The following LRR1 variants were observed in gnomAD, a reference collection of about 807,000 sequenced individuals.
LRR1 encodes leucine-rich repeat protein 1.
In LRR1, 29 loss-of-function variants were observed where a neutral mutation model predicts 31.6. The ratio of observed to expected loss-of-function variants is 0.92; its 90% CI spans 0.68 to 1.25. LRR1 has a LOEUF of 1.25. Among genes scored for constraint, LRR1 ranks in the 50% most tolerant of loss-of-function variants. The probability of loss-of-function intolerance (pLI) is 0.00; values close to 1 mark genes in which losing one functional copy is unlikely to be tolerated. For missense variants in LRR1, 485 were observed against 487.2 expected (o/e 1.00, Z 0.04); for synonymous variants, 179 against 181.4 (o/e 0.99, Z 0.10).
chr14:49,603,652 A>G (rs1433996819), intron 2 of LRR1: 1 of 979,380 alleles, frequency 1.0e-6, no homozygotes, highest in South Asian at 3.3e-5. Flanking sequence ...ATTTTTGTCT[A>G]CTGTGCCTGG....
intron 2 of LRR1, among the ~76,000 whole-genome samples, chr14:49,606,631 A>T: frequency 7.0e-6 from 1 of 142,588 alleles, no homozygotes; most frequent in Admixed American, 7.2e-5. Flanking sequence ...GAGTCACTAC[A>T]CCTGGCCTTA....
chr14:49,607,142 C>T (rs982645530), intron 2 of LRR1, among the ~76,000 whole-genome samples: 5 of 151,972 alleles, frequency 3.3e-5, no homozygotes, highest in African/African-American at 1.2e-4. Flanking sequence ...ATCCTCCCAC[C>T]TCAGCCTCCC....
intron 1 of LRR1, chr14:49,600,676 G>C: frequency 7.5e-7 from 1 of 1,336,860 alleles, no homozygotes; most frequent in Non-Finnish European, 1.0e-6. Context: ...AAATGCTGCA[G>C]CTATACCCAG....
At chr14:49,605,963 C>T (rs1198268261) in intron 2 of LRR1, among the ~76,000 whole-genome samples, 2 of 152,046 alleles carry the variant, frequency 1.3e-5, no homozygotes, top group Non-Finnish European at 2.9e-5. Flanking sequence ...AATCTGTCCT[C>T]ATACTGTATT....
At position 49,599,086 on chromosome 14, in the gene LRR1, G is replaced by A. The variant is rs766173659; in HGVS notation, c.66G>A (p.Arg22=). ...TGCCCGCCTTGGGGCTTAGGAACCG[G>A]GGCAAGGGCGTCCGAGCCGTGTTGA... is the stretch of plus-strand genomic sequence containing the variant. ...RHLPALGLRN[R]GKGVRAVLSL... Residue 22 remains arginine (R), a synonymous_variant, in exon 1 of 4, where the codon CGG becomes CGA. Transcript: ENST00000298288. 15 of 1,608,574 alleles carry A rather than the reference G, an allele frequency of 9.3e-6. No individual in the cohort carries two copies. Among genetic ancestry groups the A allele is most frequent in the Non-Finnish European group, 1.3e-5 (15 of 1,177,814 alleles).
chr14:49,603,711 T>C (rs1310072304), intron 2 of LRR1: 4 of 778,480 alleles, frequency 5.1e-6, no homozygotes, highest in Non-Finnish European at 5.7e-6. Context: ...TTTTTTTTAA[T>C]GAGACAGAGT....
intron 3 of LRR1, among the ~76,000 whole-genome samples, chr14:49,612,092 T>C (rs534386873): frequency 6.6e-6 from 1 of 152,212 alleles, no homozygotes; most frequent in African/African-American, 2.4e-5. Flanking sequence ...AGTACAAAGT[T>C]GGAAGGAAAA....
intron 2 of LRR1, among the ~76,000 whole-genome samples, chr14:49,602,919 T>C: frequency 6.6e-6 from 1 of 152,030 alleles, no homozygotes; most frequent in East Asian, 1.9e-4. Context: ...CACTGCAACC[T>C]CCATCTCCCG....
At chr14:49,601,056 T>C in intron 1 of LRR1, 3 of 1,611,236 alleles carry the variant, frequency 1.9e-6, no homozygotes, top group Non-Finnish European at 2.5e-6. Context: ...ATACCCAGAG[T>C]GGTGAAATAA....
At chr14:49,602,824 CT>C (rs201204845) in intron 2 of LRR1, among the ~76,000 whole-genome samples, 1,927 of 151,862 alleles carry the variant, frequency 0.013, 38 homozygotes, top group African/African-American at 0.043. Flanking sequence ...TGCTTGCTTG[CT>C]TTTTTTGTTT....
intron 3 of LRR1, among the ~76,000 whole-genome samples, chr14:49,610,953 A>G (rs1006474256): frequency 6.6e-6 from 1 of 152,322 alleles, no homozygotes. Context: ...TCATATTTCA[A>G]ATAAGAAATT....
rs545147466 is a variant in LRR1, at chr14:49,612,655, A to G, written c.1005-1601A>G. The G allele has an allele frequency of 4.8e-6, 5 of 1,040,900 alleles. No homozygotes were observed. The South Asian group carries it at 1.2e-4, about 25-fold the overall frequency. 64.5% of individuals were successfully genotyped at this position (1,040,900 alleles called of 1,614,324 possible). On this transcript the variant is annotated intron_variant, in intron 3 of 3. Transcript: ENST00000298288. ...CGCTGTTTTTTTATTTGAAATGTGTATCTTTTCAGACTTTTCTGACAGGGT... is the reference window on the plus strand; with the variant it reads ...CGCTGTTTTTTTATTTGAAATGTGTGTCTTTTCAGACTTTTCTGACAGGGT...
At chr14:49,601,117 C>T (rs2139532203) in intron 1 of LRR1, 2 of 1,610,912 alleles carry the variant, frequency 1.2e-6, no homozygotes, top group Non-Finnish European at 1.7e-6. Context: ...GGAGATGGGC[C>T]ATACCTGAGG....
chr14:49,599,615 A>G (rs1881958127), intron 1 of LRR1, among the ~76,000 whole-genome samples: 1 of 133,940 alleles, frequency 7.5e-6, no homozygotes, highest in African/African-American at 2.6e-5. Flanking sequence ...TATTCTCCCT[A>G]GCTTAAAAAA....
At chr14:49,610,880 G>A (rs925693944) in intron 3 of LRR1, among the ~76,000 whole-genome samples, 3 of 152,132 alleles carry the variant, frequency 2.0e-5, no homozygotes, top group South Asian at 2.1e-4. Context: ...CTTCTTGAAC[G>A]CATGTCTGGA....
chr14:49,599,283 C>G (rs572089764), intron 1 of LRR1, 80 bp downstream of exon 1: 22 of 1,430,352 alleles, frequency 1.5e-5, no homozygotes, highest in Non-Finnish European at 1.9e-5. Context: ...TCCTCATGCT[C>G]CCGGCTGCTC....
rs574707512 is a variant in LRR1 at position 49,607,681 on chromosome 14, T to C, written c.564T>C (p.His188=). The C allele has an allele frequency of 7.8e-5, 126 of 1,610,832 alleles. 3 individuals are homozygous for C. In the South Asian group the frequency reaches 1.2e-3, roughly 16 times the overall value. ...GGAAATTAGACTTGAGTCACAACCA[T>C]ATAAAAAAGCTTCCAGCTACAATTG... ...SLRKLDLSHN[H]IKKLPATIGD... Residue 188 remains histidine, a synonymous_variant, in exon 3 of 4, where the codon CAT becomes CAC. Coordinates refer to ENST00000298288, the MANE Select transcript of LRR1 (RefSeq NM_152329.4).
In LRR1 at chr14:49,607,534, T is replaced by C. The variant is rs546732096; in HGVS notation, c.417T>C (p.Val139=). The C allele has an allele frequency of 6.2e-7, 1 of 1,614,152 alleles. No homozygotes were observed. The highest frequency in any genetic ancestry group is 1.3e-5 in the African/African-American group (1 of 75,048). Residue 139 remains valine, a synonymous_variant, in exon 3 of 4, where the codon GTT becomes GTC. Coordinates refer to ENST00000298288, the MANE Select transcript of LRR1 (RefSeq NM_152329.4). The part of the protein sequence containing the change: ...SEFENFKTKM[V]ITSKKDYPLS... ...TTGAAAACTTTAAAACTAAAATGGT[T>C]ATCACATCCAAAAAAGACTATCCTC...
rs1882326500 is a variant in LRR1 at position 49,607,440 on chromosome 14, G to C, written c.323G>C (p.Arg108Thr). 2.5e-6 allele frequency: 4 copies of C among 1,598,950 alleles called. No homozygotes were observed. The African/African-American group carries it at 5.4e-5, about 22-fold the overall frequency. The change falls in exon 3 of 4, where the codon AGA becomes ACA. Residue 108 changes from arginine to threonine, a missense_variant. By Grantham distance (71) the Arg-to-Thr change is moderately conservative. This residue lies in a region of LRR1 where 260 missense variants were observed against 249.6 expected (regional missense o/e 1.04). Coordinates refer to ENST00000298288, the MANE Select transcript of LRR1 (RefSeq NM_152329.4). Reference sequence around the variant, plus strand: ...TTAAAAGGTTTCCTTTCAGCTATGAGACTGGCTCATAGAGGCTGTAATGTT... The same window carrying C: ...TTAAAAGGTTTCCTTTCAGCTATGACACTGGCTCATAGAGGCTGTAATGTT... ...SSLKGFLSAM[R>T]LAHRGCNVDT...
Sources: allele counts gnomAD v4.1 joint callset (sites outside exome capture counted in the v4.1 genomes callset), GRCh38; gene constraint gnomAD v4.1.1; regional missense constraint gnomAD v4.1.1; transcripts MANE v1.5; gene names NCBI Gene and HGNC (gene_info 2026-07-23, HGNC 2026-07-21).